Variants in DAP observed in about 807,000 individuals in gnomAD.
DAP encodes death-associated protein 1.
Under a neutral mutation model 13.8 loss-of-function variants are expected in DAP, and 8 were observed. That is an observed-to-expected ratio of 0.58 (90% CI 0.34 to 1.05). The LOEUF is 1.05. Ranked by LOEUF, DAP falls within the 50% of genes least tolerant of loss-of-function variation. DAP has a pLI of 0.03. For missense variants in DAP, 106 were observed against 133.2 expected (o/e 0.80, Z 1.01); for synonymous variants, 47 against 47.5 (o/e 0.99, Z 0.04).
chr5:10,713,137 A>G (rs1005501218), intron 2 of DAP, among the ~76,000 whole-genome samples: 54 of 152,214 alleles, frequency 3.5e-4, no homozygotes, highest in African/African-American at 1.3e-3. Flanking sequence ...GATGAACTCC[A>G]CAGGCAACCT....
chr5:10,730,177 C>T (rs529287234), intron 2 of DAP, among the ~76,000 whole-genome samples: 2 of 152,332 alleles, frequency 1.3e-5, no homozygotes, highest in South Asian at 4.1e-4. Context: ...CATGGCTGCC[C>T]TGTGAGAAGA....
chr5:10,700,508 A>G (rs548004833), intron 2 of DAP, among the ~76,000 whole-genome samples: 161 of 152,258 alleles, frequency 1.1e-3, no homozygotes, highest in African/African-American at 3.8e-3. Flanking sequence ...AAGGGAAGGA[A>G]ATTTTCAGCT....
intron 2 of DAP, among the ~76,000 whole-genome samples, chr5:10,699,057 T>G (rs2126643952): frequency 6.6e-6 from 1 of 152,352 alleles, no homozygotes; most frequent in Middle Eastern, 3.4e-3. Context: ...GATCTCAGCA[T>G]ACCTGTATGA....
intron 2 of DAP, among the ~76,000 whole-genome samples, chr5:10,720,910 G>A (rs114553405): frequency 0.017 from 2,583 of 152,288 alleles, 54 homozygotes; most frequent in African/African-American, 0.055. Flanking sequence ...CCGTGGACTC[G>A]CGGAATGCCT....
intron 2 of DAP, among the ~76,000 whole-genome samples, chr5:10,747,135 G>GCCTCTTTC (rs995120432): frequency 6.6e-6 from 1 of 152,112 alleles, no homozygotes; most frequent in African/African-American, 2.4e-5. Flanking sequence ...TCTTTCCACA[G>GCCTCTTTC]CCTCTTTCCC....
At chr5:10,719,017 G>T (rs1329512287) in intron 2 of DAP, among the ~76,000 whole-genome samples, 1 of 152,198 alleles carries the variant, frequency 6.6e-6, no homozygotes, top group Non-Finnish European at 1.5e-5. Flanking sequence ...GAAAACATTT[G>T]CACGCCAGAG....
intron 2 of DAP, among the ~76,000 whole-genome samples, chr5:10,722,565 T>TATACATACATACATGCATATATATAC (rs1739174753): frequency 1.4e-5 from 2 of 146,844 alleles, no homozygotes; most frequent in African/African-American, 5.1e-5. Flanking sequence ...CATGCATATA[T>TATACATACATACATGCATATATATAC]ATACATACAT....
At chr5:10,698,975 G>A (rs186014483) in intron 2 of DAP, among the ~76,000 whole-genome samples, 382 of 152,288 alleles carry the variant, frequency 2.5e-3, no homozygotes, top group African/African-American at 8.4e-3. Context: ...TGGCTGATAC[G>A]GCTGAGTACT....
intron 1 of DAP, among the ~76,000 whole-genome samples, chr5:10,754,930 CTG>C (rs1457877141): frequency 6.6e-6 from 1 of 152,160 alleles, no homozygotes; most frequent in East Asian, 1.9e-4. Context: ...ACTCTGGAAC[CTG>C]TGAGTGTGCT....
chr5:10,739,489 T>C (rs1739703018), intron 2 of DAP, among the ~76,000 whole-genome samples: 1 of 152,122 alleles, frequency 6.6e-6, no homozygotes, highest in African/African-American at 2.4e-5. Context: ...GCAAATATTA[T>C]GATTCCCACT....
Position 10,757,421 on chromosome 5 carries a change from C to T in DAP, c.55+3593G>A, listed in dbSNP as rs1192516062. ...TACAGAGTAGCTGAGATTACAGGCA[C>T]CCACCAGCACACCCGACTAATTTTG... is the stretch of plus-strand genomic sequence containing the variant. On this transcript the variant is annotated intron_variant, in intron 1 of 3. Transcript: ENST00000230895. Among the ~76,000 whole-genome samples the T allele has an allele frequency of 5.3e-5, 8 of 152,252 alleles. No individual in the cohort carries two copies. In the East Asian group the frequency reaches 1.3e-3, roughly 26 times the overall value.
chr5:10,746,504 G>A (rs1739909942), intron 2 of DAP, among the ~76,000 whole-genome samples: 2 of 151,774 alleles, frequency 1.3e-5, no homozygotes, highest in Non-Finnish European at 2.9e-5. Context: ...TGATTTTTGT[G>A]TTTTTAGTAG....
chr5:10,684,866 G>A (rs1299809370), intron 2 of DAP, among the ~76,000 whole-genome samples: 3 of 152,104 alleles, frequency 2.0e-5, no homozygotes, highest in Admixed American at 6.5e-5. Flanking sequence ...CTGGGACAGC[G>A]CGATCGATCG....
intron 2 of DAP, among the ~76,000 whole-genome samples, chr5:10,725,919 A>G (rs547879883): frequency 6.6e-6 from 1 of 152,364 alleles, no homozygotes; most frequent in Non-Finnish European, 1.5e-5. Flanking sequence ...GTGAAGACTA[A>G]TAAGACTAAG....
At chr5:10,739,156 C>T (rs759397116) in intron 2 of DAP, among the ~76,000 whole-genome samples, 3 of 124,520 alleles carry the variant, frequency 2.4e-5, no homozygotes, top group Non-Finnish European at 4.8e-5. Context: ...GAGCCGAGAT[C>T]GCACTACTGC....
intron 2 of DAP, among the ~76,000 whole-genome samples, chr5:10,687,054 G>C (rs1052322793): frequency 6.6e-6 from 1 of 152,130 alleles, no homozygotes; most frequent in African/African-American, 2.4e-5. Flanking sequence ...TACTCTGTCT[G>C]TGCTCTATAC....
At chr5:10,703,696 A>C (rs1738633878) in intron 2 of DAP, among the ~76,000 whole-genome samples, 1 of 152,284 alleles carries the variant, frequency 6.6e-6, no homozygotes, top group Non-Finnish European at 1.5e-5. Flanking sequence ...TTTAAGGCTC[A>C]TAAAATACTG....
chr5:10,747,981 C>A (rs1038533725), intron 2 of DAP, 194 bp downstream of exon 2: 6 of 538,888 alleles, frequency 1.1e-5, no homozygotes, highest in African/African-American at 3.8e-5. Flanking sequence ...GGAAAGAGGA[C>A]CTCTAGGGGC....
At chr5:10,698,781 G>T (rs76123417) in intron 2 of DAP, among the ~76,000 whole-genome samples, 2 of 152,100 alleles carry the variant, frequency 1.3e-5, no homozygotes, top group Non-Finnish European at 2.9e-5. Flanking sequence ...AAGGAATTTG[G>T]AGGAAAGAGA....
Sources: allele counts gnomAD v4.1 joint callset (sites outside exome capture counted in the v4.1 genomes callset), GRCh38; gene constraint gnomAD v4.1.1; transcripts MANE v1.5; gene names NCBI Gene and HGNC (gene_info 2026-07-23, HGNC 2026-07-21).